GRM7: variants seen among roughly 807,000 people sequenced by gnomAD.
GRM7 encodes the protein metabotropic glutamate receptor 7.
Under a neutral mutation model 84.5 loss-of-function variants are expected in GRM7, and 35 were observed. The ratio of observed to expected loss-of-function variants is 0.41; its 90% CI spans 0.32 to 0.55. GRM7 has a LOEUF of 0.55. Ranked by LOEUF, GRM7 falls within the 20% of genes least tolerant of loss-of-function variation. The probability of loss-of-function intolerance (pLI) is 0.19; values close to 1 mark genes in which losing one functional copy is unlikely to be tolerated. For missense variants in GRM7, 1,003 were observed against 1,194.6 expected, an observed-to-expected ratio of 0.84 and a Z score of 2.36; for synonymous variants, 487 against 455.1, an observed-to-expected ratio of 1.07 and a Z score of -0.89.
chr3:7,361,326 C>A (rs971289335), intron 4 of GRM7, among the ~76,000 whole-genome samples: 5 of 151,970 alleles, frequency 3.3e-5, no homozygotes, highest in Non-Finnish European at 7.4e-5. Context: ...TTCTGAACAC[C>A]AGCCTGCAAA....
chr3:7,684,805 C>T (rs1172382239), intron 9 of GRM7, among the ~76,000 whole-genome samples: 14 of 152,024 alleles, frequency 9.2e-5, no homozygotes. Flanking sequence ...AGTCTCTGCA[C>T]TTAGATTGAA....
rs138966470 is a variant in GRM7 at position 6,927,641 on chromosome 3, A to G, written c.519+65734A>G. ...TCATTGCTATTTTTTCCACTATTAC[A>G]TGCATTTATGTTCATATGCATATGT... On this transcript the variant is annotated intron_variant, in intron 1 of 9. Transcript: ENST00000357716. Among the ~76,000 whole-genome samples, 152 of 152,300 alleles carry G rather than the reference A, an allele frequency of 1.0e-3. 1 individual carries two copies. Among genetic ancestry groups the G allele is most frequent in the African/African-American group, 3.4e-3 (143 of 41,564 alleles).
intron 5 of GRM7, among the ~76,000 whole-genome samples, chr3:7,419,533 T>G (rs1696311012): frequency 6.6e-6 from 1 of 152,144 alleles, no homozygotes; most frequent in South Asian, 2.1e-4. Context: ...ACATGTCTAA[T>G]AGCATCAAAT....
At chr3:7,285,978 CTT>C (rs1434599450) in intron 2 of GRM7, among the ~76,000 whole-genome samples, 1 of 152,114 alleles carries the variant, frequency 6.6e-6, no homozygotes, top group Non-Finnish European at 1.5e-5. Context: ...TAGCAAATCA[CTT>C]TAAATCTGGA....
intron 2 of GRM7, among the ~76,000 whole-genome samples, chr3:7,291,919 T>G (rs1386847871): frequency 6.6e-6 from 1 of 152,142 alleles, no homozygotes; most frequent in Non-Finnish European, 1.5e-5. Context: ...CCCATACTGT[T>G]CTCATGGTGG....
chr3:6,919,709 G>A (rs1349013242), intron 1 of GRM7, among the ~76,000 whole-genome samples: 2 of 151,796 alleles, frequency 1.3e-5, no homozygotes, highest in South Asian at 2.1e-4. Flanking sequence ...AGATTAATGG[G>A]AATCATCAAC....
intron 1 of GRM7, among the ~76,000 whole-genome samples, chr3:7,118,629 A>G (rs890290331): frequency 1.4e-4 from 21 of 151,724 alleles, no homozygotes; most frequent in Non-Finnish European, 2.9e-4. Context: ...AAGAAGAGCC[A>G]AAGAAAGTAA....
At chr3:7,212,510 C>T (rs781121297) in intron 2 of GRM7, among the ~76,000 whole-genome samples, 7 of 151,958 alleles carry the variant, frequency 4.6e-5, no homozygotes, top group African/African-American at 1.5e-4. Flanking sequence ...TATATAGTTG[C>T]GAACTCATAT....
At chr3:7,246,953 G>A (rs913813921) in intron 2 of GRM7, among the ~76,000 whole-genome samples, 12 of 152,080 alleles carry the variant, frequency 7.9e-5, no homozygotes, top group African/African-American at 2.7e-4. Context: ...TATTACATCG[G>A]CATAACGATG....
intron 1 of GRM7, among the ~76,000 whole-genome samples, chr3:7,140,098 G>A (rs1693899062): frequency 1.3e-5 from 2 of 151,970 alleles, no homozygotes; most frequent in Admixed American, 6.6e-5. Flanking sequence ...AGACCACAAT[G>A]TGATATTGCC....
At chr3:7,101,357 A>G (rs941384171) in intron 1 of GRM7, among the ~76,000 whole-genome samples, 1 of 151,578 alleles carries the variant, frequency 6.6e-6, no homozygotes, top group Non-Finnish European at 1.5e-5. Context: ...TTTGGTTATA[A>G]CTTGCATTTC....
intron 2 of GRM7, among the ~76,000 whole-genome samples, chr3:7,176,617 T>C (rs988886824): frequency 2.6e-5 from 4 of 152,214 alleles, no homozygotes; most frequent in African/African-American, 7.2e-5. Context: ...CCTAGAAAGG[T>C]AAGCTAAGTA....
intron 1 of GRM7, among the ~76,000 whole-genome samples, chr3:7,100,291 A>G (rs1699065705): frequency 6.6e-6 from 1 of 151,590 alleles, no homozygotes; most frequent in Non-Finnish European, 1.5e-5. Flanking sequence ...TGTACTTGGT[A>G]ATGTAGGATT....
intron 9 of GRM7, among the ~76,000 whole-genome samples, chr3:7,707,425 G>C (rs1471271538): frequency 6.6e-6 from 1 of 152,078 alleles, no homozygotes; most frequent in Non-Finnish European, 1.5e-5. Flanking sequence ...GAGGCAGGAT[G>C]ACTTCCTGTT....
intron 2 of GRM7, among the ~76,000 whole-genome samples, chr3:7,194,958 G>C (rs1335252420): frequency 1.3e-5 from 2 of 152,042 alleles, no homozygotes; most frequent in East Asian, 1.9e-4. Context: ...TGAGGGAAGA[G>C]GGAAGGATTC....
intron 1 of GRM7, among the ~76,000 whole-genome samples, chr3:6,901,966 G>A (rs573769025): frequency 6.6e-6 from 1 of 152,068 alleles, no homozygotes; most frequent in East Asian, 1.9e-4. Flanking sequence ...ATAAGAACTT[G>A]TCTGTCTTAA....
At chr3:7,106,169 GAAAAATATTAGAT>G (rs1692629127) in intron 1 of GRM7, among the ~76,000 whole-genome samples, 1 of 151,532 alleles carries the variant, frequency 6.6e-6, no homozygotes, top group Non-Finnish European at 1.5e-5. Context: ...ATATCTAAAA[GAAAAATATTAGAT>G]ATTTTCTTTA....
At position 7,524,578 on chromosome 3, in the gene GRM7, C is replaced by G. The variant is rs1264771757; in HGVS notation, c.1516-53844C>G. Among the ~76,000 whole-genome samples, 11 of 88,012 alleles carry G rather than the reference C, an allele frequency of 1.2e-4. 1 individual carries two copies. The highest frequency in any genetic ancestry group is 5.3e-4 in the East Asian group (2 of 3,796). 57.7% of individuals were successfully genotyped at this position (88,012 alleles called of 152,430 possible). On this transcript the variant is annotated intron_variant, in intron 7 of 9. Coordinates refer to ENST00000357716, the MANE Select transcript of GRM7 (RefSeq NM_000844.4). ...AACCACAATGAGATACCATCTCACA[C>G]CAGTTAGAATGGCAATCATTAAAAA...
At chr3:7,287,755 A>C (rs1387547232) in intron 2 of GRM7, among the ~76,000 whole-genome samples, 3 of 152,184 alleles carry the variant, frequency 2.0e-5, no homozygotes, top group Non-Finnish European at 4.4e-5. Flanking sequence ...AAATTTAAAA[A>C]AAAATTGCTC....
Sources: gnomAD v4.1 joint callset for allele counts (sites outside exome capture counted in the v4.1 genomes callset) on GRCh38, gnomAD v4.1.1 for gene constraint, MANE v1.5 for transcripts, NCBI Gene and HGNC (gene_info 2026-07-23, HGNC 2026-07-21) for gene names.